Variants in CNKSR2 observed in about 807,000 individuals in gnomAD.
The protein encoded by CNKSR2 is CNK homolog protein 2.
In CNKSR2, 14 loss-of-function variants were observed where a neutral mutation model predicts 84.4. That is an observed-to-expected ratio of 0.17 (90% CI 0.11 to 0.26). The LOEUF is 0.26. CNKSR2 is among the 10% of genes least tolerant of loss of function. The probability of loss-of-function intolerance (pLI) is 1.00; values close to 1 mark genes in which losing one functional copy is unlikely to be tolerated. For missense variants in CNKSR2, 485 were observed against 771.2 expected, an observed-to-expected ratio of 0.63 and a Z score of 4.40; for synonymous variants, 275 against 277.9, an observed-to-expected ratio of 0.99 and a Z score of 0.10.
chrX:21,602,891 G>C (rs954376490), intron 18 of CNKSR2, among the ~76,000 whole-genome samples: 3 of 112,012 alleles, frequency 2.7e-5, no homozygotes, highest in Non-Finnish European at 5.6e-5. Flanking sequence ...GTACTGATAG[G>C]AAAATGAATC....
intron 20 of CNKSR2, among the ~76,000 whole-genome samples, chrX:21,635,258 T>C (rs897129936): frequency 5.5e-5 from 6 of 108,706 alleles, no homozygotes; most frequent in Admixed American, 4.0e-4. Flanking sequence ...GCTTACTCTT[T>C]CTGAGCTTGC....
chrX:21,596,176 A>T (rs1323976914), intron 17 of CNKSR2, among the ~76,000 whole-genome samples: 1 of 111,452 alleles, frequency 9.0e-6, no homozygotes, highest in Non-Finnish European at 1.9e-5. Flanking sequence ...TCCCAGCTCT[A>T]CCACTTAATA....
rs397895953 is a variant in CNKSR2, at chrX:21,626,244, T to TAAA, written c.2692+16648_2692+16650dup. 7.0e-3 allele frequency among the ~76,000 whole-genome samples: 285 copies of TAAA among 40,884 alleles called. 4 individuals are homozygous for TAAA. The highest frequency in any genetic ancestry group is 0.02 in the African/African-American group (268 of 13,326). 35.5% of individuals were successfully genotyped at this position (40,884 alleles called of 115,157 possible). ...GAAAAGGAGGGTACATTCTAGGTGG[T>TAAA]AAAAAAAAAAAAAAAAAAAAAAATG... On this transcript the variant is annotated intron_variant, in intron 20 of 21. Coordinates refer to ENST00000379510, the MANE Select transcript of CNKSR2 (RefSeq NM_014927.5).
At chrX:21,544,753 G>T (rs1173914604) in intron 11 of CNKSR2, among the ~76,000 whole-genome samples, 1 of 111,137 alleles carries the variant, frequency 9.0e-6, no homozygotes, top group African/African-American at 3.3e-5. Flanking sequence ...CAGAAGCAGG[G>T]TGGGGCGTCG....
At chrX:21,421,662 C>CT (rs1038006309) in intron 1 of CNKSR2, among the ~76,000 whole-genome samples, 9 of 110,822 alleles carry the variant, frequency 8.1e-5, no homozygotes, top group African/African-American at 1.3e-4. Context: ...CTATGGTAAT[C>CT]TTTTTTTTAT....
At chrX:21,603,039 A>G (rs781085153) in intron 18 of CNKSR2, among the ~76,000 whole-genome samples, 19 of 112,107 alleles carry the variant, frequency 1.7e-4, no homozygotes, top group Non-Finnish European at 3.2e-4. Context: ...TATATAGCCA[A>G]ATTTTATTAT....
At chrX:21,428,947 C>T (rs945304294) in intron 2 of CNKSR2, 1 of 111,620 alleles carries the variant, frequency 9.0e-6, no homozygotes, top group Non-Finnish European at 1.9e-5. Context: ...AGGTGCTACA[C>T]GATGCATTCA....
chrX:21,507,513 T>C (rs1207308515), intron 8 of CNKSR2, among the ~76,000 whole-genome samples: 1 of 111,588 alleles, frequency 9.0e-6, no homozygotes, highest in Non-Finnish European at 1.9e-5. Flanking sequence ...AAGTTTTTCT[T>C]ACTAAAAATT....
At chrX:21,441,999 T>C (rs1284639287) in intron 4 of CNKSR2, among the ~76,000 whole-genome samples, 1 of 111,733 alleles carries the variant, frequency 8.9e-6, no homozygotes, top group African/African-American at 3.2e-5. Flanking sequence ...AAAGTGGTGC[T>C]ACTATGAAGT....
At chrX:21,484,365 T>TAA (rs1281955483) in intron 5 of CNKSR2, among the ~76,000 whole-genome samples, 1 of 112,368 alleles carries the variant, frequency 8.9e-6, no homozygotes, top group Non-Finnish European at 1.9e-5. Flanking sequence ...TTAATTGAAA[T>TAA]ATTATTTATA....
At chrX:21,418,207 T>G (rs2090448002) in intron 1 of CNKSR2, among the ~76,000 whole-genome samples, 1 of 111,850 alleles carries the variant, frequency 8.9e-6, no homozygotes, top group Admixed American at 9.5e-5. Context: ...CTATTTAACT[T>G]TTTGTTGTTT....
intron 20 of CNKSR2, among the ~76,000 whole-genome samples, chrX:21,627,699 T>C (rs777105020): frequency 9.0e-6 from 1 of 111,682 alleles, no homozygotes; most frequent in South Asian, 3.8e-4. Context: ...TGAGACTTAT[T>C]CACTATCATA....
At chrX:21,615,087 A>T (rs1227492111) in intron 20 of CNKSR2, among the ~76,000 whole-genome samples, 2 of 111,900 alleles carry the variant, frequency 1.8e-5, no homozygotes, top group East Asian at 5.6e-4. Flanking sequence ...TTTTATGGTG[A>T]TGAGAAAGAG....
intron 13 of CNKSR2, among the ~76,000 whole-genome samples, chrX:21,572,740 C>T (rs931595882): frequency 2.7e-5 from 3 of 111,333 alleles, no homozygotes; most frequent in African/African-American, 9.8e-5. Flanking sequence ...TACCTCCCAC[C>T]GGGTCCCTCC....
At chrX:21,628,554 A>G (rs1044665563) in intron 20 of CNKSR2, among the ~76,000 whole-genome samples, 18 of 111,797 alleles carry the variant, frequency 1.6e-4, no homozygotes, top group African/African-American at 4.9e-4. Flanking sequence ...CCACACCTCA[A>G]TTCTTGACTT....
intron 11 of CNKSR2, among the ~76,000 whole-genome samples, chrX:21,535,432 A>G (rs2147129851): frequency 9.0e-6 from 1 of 111,280 alleles, no homozygotes; most frequent in South Asian, 3.7e-4. Context: ...GTATTTTGAC[A>G]GGGATTCCAT....
chrX:21,440,546 C>A, intron 3 of CNKSR2, 148 bp from the exon 4 acceptor site: 1 of 294,895 alleles, frequency 3.4e-6, no homozygotes, highest in Non-Finnish European at 5.9e-6. Context: ...CAAATCTTTC[C>A]TTAAAATAAG....
In CNKSR2 at chrX:21,647,255, G is replaced by A. The variant is rs747553292; in HGVS notation, c.2693-1576G>A. ...GATGATAACAAGGAATTTTCTAATA[G>A]AAGGACTCAATGACTATACCTACCA... is the stretch of plus-strand genomic sequence containing the variant. On this transcript the variant is annotated intron_variant, in intron 20 of 21. Coordinates refer to ENST00000379510, the MANE Select transcript of CNKSR2 (RefSeq NM_014927.5). Among the ~76,000 whole-genome samples the A allele has an allele frequency of 2.0e-4, 22 of 112,336 alleles. No homozygotes were observed. In the East Asian group the frequency reaches 2.2e-3, roughly 11 times the overall value.
intron 7 of CNKSR2, among the ~76,000 whole-genome samples, chrX:21,500,826 T>C (rs2091552027): frequency 9.0e-6 from 1 of 111,568 alleles, no homozygotes; most frequent in African/African-American, 3.2e-5. Context: ...GTGGTTTTAC[T>C]GTCCAGTGTA....
Sources: gnomAD v4.1 joint callset for allele counts (sites outside exome capture counted in the v4.1 genomes callset) on GRCh38, gnomAD v4.1.1 for gene constraint, MANE v1.5 for transcripts, NCBI Gene and HGNC (gene_info 2026-07-23, HGNC 2026-07-21) for gene names.